ARPP21: variants seen among roughly 807,000 people sequenced by gnomAD.
ARPP21 encodes the protein cAMP regulated phosphoprotein 21.
ARPP21 carries 69 observed loss-of-function variants against 113.2 expected under a neutral mutation model. The observed-to-expected ratio is 0.61, with a 90% confidence interval of 0.50 to 0.74. The LOEUF (loss-of-function observed/expected upper bound fraction) is 0.74. ARPP21 is among the 30% of genes least tolerant of loss of function. The pLI, the probability that ARPP21 is intolerant of heterozygous loss-of-function variation, is 0.00. For synonymous variants in ARPP21, 368 were observed against 375.5 expected, an observed-to-expected ratio of 0.98 and a Z score of 0.23; for missense variants, 1,070 against 1,037.4, an observed-to-expected ratio of 1.03 and a Z score of -0.43.
At chr3:35,665,766 A>G (rs2074210755) in intron 1 of ARPP21, among the ~76,000 whole-genome samples, 2 of 152,184 alleles carry the variant, frequency 1.3e-5, no homozygotes, top group Non-Finnish European at 1.5e-5. Context: ...AAAAGTTAAT[A>G]CAACTTCCCC....
rs913323170 is a variant in ARPP21 at position 35,792,205 on chromosome 3, C to A, written c.2138-177C>A. 4.2e-5 allele frequency: 27 copies of A among 642,684 alleles called. No homozygotes were observed. The East Asian group carries it at 6.6e-4, about 16-fold the overall frequency. The allele number at this position is 642,684 out of a possible 1,614,324, so 39.8% of individuals were successfully genotyped here. On this transcript the variant is annotated intron_variant, in intron 19 of 20. Transcript: ENST00000684406. The stretch of plus-strand genomic sequence containing the variant: ...ATTTTTAAAGCCATAATCTTGTTCA[C>A]TCTTAGAAGTAAAAAAAAGAGAAAA...
rs775183663 is a variant in ARPP21, at chr3:35,709,054, G to A, written c.881G>A (p.Arg294Lys). 2.5e-6 allele frequency: 4 copies of A among 1,607,192 alleles called. No homozygotes were observed. The Admixed American group carries it at 5.0e-5, about 20-fold the overall frequency. The change falls in exon 11 of 21, where the codon AGA becomes AAA. Residue 294 changes from arginine (R) to lysine (K), a missense_variant. By Grantham distance (26) the Arg-to-Lys change is conservative (BLOSUM62 2). Transcript: ENST00000684406. Reference protein sequence around the residue: ...REEEYQRVRERIFAHDSVCSQ... With the variant: ...REEEYQRVREKIFAHDSVCSQ... ...GAGGAATATCAGAGAGTGAGGGAGAGAATATTTGCACACGATGTGAGTAGT... is the reference window on the plus strand; with the variant it reads ...GAGGAATATCAGAGAGTGAGGGAGAAAATATTTGCACACGATGTGAGTAGT...
rs574556938 is a variant in ARPP21, at chr3:35,678,489, T to C, written c.-212-1298T>C. ...CTGATCAAAATTGAAAAACTAAAATTACTATTGATTAGCAATCCACTTTTT... is the reference window on the plus strand; with the variant it reads ...CTGATCAAAATTGAAAAACTAAAATCACTATTGATTAGCAATCCACTTTTT... On this transcript the variant is annotated intron_variant, in intron 1 of 20. Transcript: ENST00000684406. Among the ~76,000 whole-genome samples the C allele has an allele frequency of 5.3e-5, 8 of 152,112 alleles. No individual in the cohort carries two copies. In the South Asian group the frequency reaches 1.7e-3, roughly 31 times the overall value.
rs139862817 is a variant in ARPP21 at position 35,743,885 on chromosome 3, C to T, written c.2057C>T (p.Thr686Met). The change falls in exon 19 of 21, where the codon ACG becomes ATG. Residue 686 changes from threonine (T) to methionine (M), a missense_variant. Physicochemically the swap from Thr to Met is moderately conservative, Grantham distance 81 (BLOSUM62 -1). Coordinates refer to ENST00000684406, the MANE Select transcript of ARPP21 (RefSeq NM_001385562.1). Reference protein sequence around the residue: ...YPSGQYPTSTTQQYRPMAPVQ... With the variant: ...YPSGQYPTSTMQQYRPMAPVQ... ...TCTGGTCAGTACCCTACCTCAACCACGCAACAGTACCGGCCCATGGCCCCG... is the reference window on the plus strand; with the variant it reads ...TCTGGTCAGTACCCTACCTCAACCATGCAACAGTACCGGCCCATGGCCCCG... 132 of 1,613,940 alleles carry T rather than the reference C, an allele frequency of 8.2e-5. No homozygotes were observed. Among genetic ancestry groups the T allele is most frequent in the Non-Finnish European group, 1.0e-4 (118 of 1,179,890 alleles).
At chr3:35,783,150 G>A (rs541914869) in intron 19 of ARPP21, among the ~76,000 whole-genome samples, 2 of 152,104 alleles carry the variant, frequency 1.3e-5, no homozygotes, top group Admixed American at 6.5e-5. Flanking sequence ...TCTCAGCCCA[G>A]TATTTGAATA....
intron 9 of ARPP21, among the ~76,000 whole-genome samples, chr3:35,694,344 A>G (rs1342423720): frequency 1.3e-5 from 2 of 151,532 alleles, no homozygotes. Flanking sequence ...GTCTCAGGAT[A>G]TACTTCTGTT....
intron 13 of ARPP21, among the ~76,000 whole-genome samples, chr3:35,718,535 C>T (rs949877514): frequency 6.6e-6 from 1 of 152,062 alleles, no homozygotes; most frequent in South Asian, 2.1e-4. Context: ...AATCCCAAAT[C>T]TGTCCCCAAG....
intron 14 of ARPP21, among the ~76,000 whole-genome samples, chr3:35,728,032 A>T (rs1042412778): frequency 6.6e-6 from 1 of 151,978 alleles, no homozygotes; most frequent in Non-Finnish European, 1.5e-5. Flanking sequence ...TGTGTCATTT[A>T]AAGGATACTC....
At chr3:35,684,826 T>TACATGCCACTCATGTCATAAGGCATGG in intron 5 of ARPP21, 2 of 982,590 alleles carry the variant, frequency 2.0e-6, no homozygotes, top group Non-Finnish European at 2.4e-6. Flanking sequence ...TCATTTTCTT[T>TACATGCCACTCATGTCATAAGGCATGG]ACATGCCACT....
At chr3:35,647,324 T>C (rs1040596942) in intron 1 of ARPP21, among the ~76,000 whole-genome samples, 2 of 152,134 alleles carry the variant, frequency 1.3e-5, no homozygotes, top group Non-Finnish European at 2.9e-5. Context: ...TCAGAAATAA[T>C]TGTAATGCCT....
At chr3:35,706,390 C>A (rs2089056772) in intron 9 of ARPP21, among the ~76,000 whole-genome samples, 1 of 152,208 alleles carries the variant, frequency 6.6e-6, no homozygotes, top group Non-Finnish European at 1.5e-5. Context: ...TAAATACCTC[C>A]ATTTTCTCCA....
At chr3:35,742,337 T>C (rs1218626119) in intron 18 of ARPP21, among the ~76,000 whole-genome samples, 1 of 152,228 alleles carries the variant, frequency 6.6e-6, no homozygotes, top group Non-Finnish European at 1.5e-5. Context: ...ATAATGGTAG[T>C]CATCTTTAAT....
Position 35,794,075 on chromosome 3 carries a change from G to A in ARPP21, c.*117G>A. 9.0e-6 allele frequency: 8 copies of A among 886,926 alleles called. No homozygotes were observed. The South Asian group carries it at 1.3e-4, about 15-fold the overall frequency. 54.9% of individuals were successfully genotyped at this position (886,926 alleles called of 1,614,324 possible). The stretch of plus-strand genomic sequence containing the variant: ...TTCACTCAACACTCAAATGATTGCT[G>A]CTGGTATTCTGTAAAAAATAAACAA... On this transcript the variant is annotated 3_prime_UTR_variant, in exon 21 of 21. Coordinates refer to ENST00000684406, the MANE Select transcript of ARPP21 (RefSeq NM_001385562.1).
chr3:35,736,293 C>CCACA (rs2150665920), intron 15 of ARPP21, among the ~76,000 whole-genome samples: 1 of 152,220 alleles, frequency 6.6e-6, no homozygotes, highest in South Asian at 2.1e-4. Context: ...CTTTATGCCC[C>CCACA]CACACCCGCT....
At chr3:35,669,658 A>T (rs888799198) in intron 1 of ARPP21, among the ~76,000 whole-genome samples, 4 of 152,176 alleles carry the variant, frequency 2.6e-5, no homozygotes, top group African/African-American at 9.7e-5. Flanking sequence ...GTTACACATT[A>T]CAGACACCCA....
At chr3:35,721,950 G>A in intron 14 of ARPP21, 116 bp downstream of exon 14, 1 of 663,146 alleles carries the variant, frequency 1.5e-6, no homozygotes, top group Non-Finnish European at 2.5e-6. Context: ...TTAATCACAG[G>A]GATAGCTGGA....
chr3:35,789,736 G>C (rs1050735890), intron 19 of ARPP21, among the ~76,000 whole-genome samples: 1 of 152,166 alleles, frequency 6.6e-6, no homozygotes, highest in African/African-American at 2.4e-5. Flanking sequence ...CACAGGCTCT[G>C]CACCTTTACT....
rs555406398 is a variant in ARPP21 at position 35,640,124 on chromosome 3, C to G, written c.-487C>G. The G allele has an allele frequency of 6.6e-6, 1 of 152,310 alleles. No homozygotes were observed. The highest frequency in any genetic ancestry group is 1.5e-5 in the Non-Finnish European group (1 of 68,140). The allele number at this position is 152,310 out of a possible 1,614,324, so 9.4% of individuals were successfully genotyped here. On this transcript the variant is annotated 5_prime_UTR_variant, in exon 1 of 21. Coordinates refer to ENST00000684406, the MANE Select transcript of ARPP21 (RefSeq NM_001385562.1). Reference sequence around the variant, plus strand: ...GGGCAGCGGGGACACAAGCCGCGACCGAGCCGCCGCCGCAGCCCTGGCTGC... The same window carrying G: ...GGGCAGCGGGGACACAAGCCGCGACGGAGCCGCCGCCGCAGCCCTGGCTGC...
chr3:35,734,136 T>C (rs1274585762), intron 15 of ARPP21, among the ~76,000 whole-genome samples: 1 of 152,212 alleles, frequency 6.6e-6, no homozygotes, highest in Non-Finnish European at 1.5e-5. Context: ...ATGAGACTTA[T>C]TTTGAAATAA....
Sources: gnomAD v4.1 joint callset for allele counts (sites outside exome capture counted in the v4.1 genomes callset) on GRCh38, gnomAD v4.1.1 for gene constraint, MANE v1.5 for transcripts, NCBI Gene and HGNC (gene_info 2026-07-23, HGNC 2026-07-21) for gene names.